The following PABPC4L variants were observed in gnomAD, a reference collection of about 807,000 sequenced individuals.
PABPC4L encodes the protein polyadenylate-binding protein 4-like.
For missense variants in PABPC4L, 452 were observed against 451.4 expected (o/e 1.00, Z -0.01); for synonymous variants, 169 against 164.1 (o/e 1.03, Z -0.23).
At chr4:134,056,437 A>G in the PABPC4L span, among the ~76,000 whole-genome samples, 7 of 151,830 alleles carry the variant, frequency 4.6e-5, no homozygotes, top group Non-Finnish European at 8.8e-5. Flanking sequence ...ACAGTTGACA[A>G]TTTTGCCATG....
the PABPC4L span, among the ~76,000 whole-genome samples, chr4:134,133,834 T>G: frequency 6.6e-6 from 1 of 152,004 alleles, no homozygotes; most frequent in Non-Finnish European, 1.5e-5. Context: ...TATTTTTTTT[T>G]AAATTAGAAT....
chr4:133,993,585 G>A, the PABPC4L span, among the ~76,000 whole-genome samples: 1 of 152,192 alleles, frequency 6.6e-6, no homozygotes, highest in African/African-American at 2.4e-5. Context: ...TTAAGTTCTA[G>A]TCCTCTAGGG....
the PABPC4L span, among the ~76,000 whole-genome samples, chr4:134,002,096 A>G: frequency 1.5e-4 from 22 of 146,428 alleles, no homozygotes; most frequent in African/African-American, 5.8e-4. Context: ...CTATTCTCCA[A>G]TATGTGGCTT....
the PABPC4L span, among the ~76,000 whole-genome samples, chr4:134,164,187 C>T: frequency 3.6e-5 from 5 of 140,166 alleles, no homozygotes; most frequent in Admixed American, 7.5e-5. Flanking sequence ...GGCGTGAACC[C>T]GGGAGGCGGA....
At chr4:134,014,063 C>G in the PABPC4L span, among the ~76,000 whole-genome samples, 1 of 152,096 alleles carries the variant, frequency 6.6e-6, no homozygotes, top group South Asian at 2.1e-4. Flanking sequence ...TCTTTTTCAT[C>G]AAACATAAAA....
the PABPC4L span, among the ~76,000 whole-genome samples, chr4:134,158,060 C>T: frequency 6.6e-6 from 1 of 151,794 alleles, no homozygotes; most frequent in African/African-American, 2.4e-5. Context: ...TATCCTTAGT[C>T]CTCTAACTTT....
chr4:134,190,658 T>G, the PABPC4L span, among the ~76,000 whole-genome samples: 1 of 152,202 alleles, frequency 6.6e-6, no homozygotes, highest in South Asian at 2.1e-4. Context: ...TATATATACA[T>G]ATGAATATCT....
At chr4:133,960,166 G>A in the PABPC4L span, among the ~76,000 whole-genome samples, 1 of 152,266 alleles carries the variant, frequency 6.6e-6, no homozygotes, top group South Asian at 2.1e-4. Context: ...AATAAATGGG[G>A]AATCCCAAAA....
chr4:134,171,282 A>T, the PABPC4L span, among the ~76,000 whole-genome samples: 1 of 151,902 alleles, frequency 6.6e-6, no homozygotes, highest in South Asian at 2.1e-4. Context: ...CACTTGACAA[A>T]TTTTTGTATT....
At chr4:134,004,660 C>G in the PABPC4L span, among the ~76,000 whole-genome samples, 1 of 151,868 alleles carries the variant, frequency 6.6e-6, no homozygotes, top group Non-Finnish European at 1.5e-5. Flanking sequence ...TAGCTGCACT[C>G]TCACGTTCAT....
At chr4:133,985,932 G>T in the PABPC4L span, among the ~76,000 whole-genome samples, 1 of 152,022 alleles carries the variant, frequency 6.6e-6, no homozygotes. Context: ...GATTCCAGAT[G>T]AATAATGTCA....
chr4:133,984,706 A>G, the PABPC4L span, among the ~76,000 whole-genome samples: 3 of 151,876 alleles, frequency 2.0e-5, no homozygotes, highest in Non-Finnish European at 4.4e-5. Context: ...TAAATGACCC[A>G]TTCTTTCATA....
chr4:134,011,379 T>C, the PABPC4L span, among the ~76,000 whole-genome samples: 8 of 152,250 alleles, frequency 5.3e-5, no homozygotes, highest in Admixed American at 6.5e-5. Flanking sequence ...CATATTGTTA[T>C]AGAATGCTGA....
the PABPC4L span, among the ~76,000 whole-genome samples, chr4:133,952,726 T>C: frequency 6.6e-6 from 1 of 152,128 alleles, no homozygotes; most frequent in Non-Finnish European, 1.5e-5. Context: ...CCCTCCTCTG[T>C]TAGGAGGCCT....
chr4:134,110,529 C>G, the PABPC4L span, among the ~76,000 whole-genome samples: 1 of 150,680 alleles, frequency 6.6e-6, no homozygotes, highest in Non-Finnish European at 1.5e-5. Flanking sequence ...CAACTAATAA[C>G]AGAATAAAAA....
At chr4:134,065,586 G>T in the PABPC4L span, among the ~76,000 whole-genome samples, 1 of 151,892 alleles carries the variant, frequency 6.6e-6, no homozygotes, top group East Asian at 1.9e-4. Context: ...GCTCTGTTTA[G>T]AGTTCCTTTT....
the PABPC4L span, among the ~76,000 whole-genome samples, chr4:134,127,300 C>T: frequency 6.6e-6 from 1 of 152,086 alleles, no homozygotes; most frequent in African/African-American, 2.4e-5. Context: ...ACAACGGCAG[C>T]TGATGCCCTC....
the PABPC4L span, among the ~76,000 whole-genome samples, chr4:133,962,504 C>T: frequency 1.3e-5 from 2 of 152,078 alleles, no homozygotes; most frequent in African/African-American, 4.8e-5. Flanking sequence ...AAAGTCTCAG[C>T]AATAGAATTC....
the PABPC4L span, among the ~76,000 whole-genome samples, chr4:134,073,844 T>A: frequency 6.6e-6 from 1 of 152,192 alleles, no homozygotes; most frequent in Non-Finnish European, 1.5e-5. Flanking sequence ...TTGGGCCATT[T>A]TAGCCATGGC....
Sources: allele counts gnomAD v4.1 joint callset (sites outside exome capture counted in the v4.1 genomes callset), GRCh38; gene constraint gnomAD v4.1.1; transcripts MANE v1.5; gene names NCBI Gene and HGNC (gene_info 2026-07-23, HGNC 2026-07-21).